Variants in NRXN3 observed in about 807,000 individuals in gnomAD.
The protein encoded by NRXN3 is neurexin 3.
Under a neutral mutation model 137.6 loss-of-function variants are expected in NRXN3, and 32 were observed. The observed-to-expected ratio is 0.23, with a 90% CI of 0.18 to 0.31. NRXN3 has a LOEUF of 0.31. Among genes scored for constraint, NRXN3 ranks in the 10% least tolerant of loss-of-function variants. The probability of loss-of-function intolerance (pLI) is 1.00; values close to 1 mark genes in which losing one functional copy is unlikely to be tolerated. For missense variants in NRXN3, 1,574 were observed against 2,062.5 expected (o/e 0.76, Z 4.59); for synonymous variants, 798 against 784.5 (o/e 1.02, Z -0.29).
intron 15 of NRXN3, among the ~76,000 whole-genome samples, chr14:79,325,865 G>A (rs575603301): frequency 7.2e-5 from 11 of 152,230 alleles, no homozygotes; most frequent in African/African-American, 7.2e-5. Context: ...CAGGGCCATC[G>A]TGAGATGCAG....
chr14:79,593,630 C>CAAAAA (rs58254245), intron 16 of NRXN3, among the ~76,000 whole-genome samples: 1,382 of 74,644 alleles, frequency 0.019, 31 homozygotes, highest in East Asian at 0.073. Context: ...GACTCCGTCT[C>CAAAAA]AAAAAAAAAA....
intron 16 of NRXN3, among the ~76,000 whole-genome samples, chr14:79,592,534 G>A (rs2097816159): frequency 6.6e-6 from 1 of 151,930 alleles, no homozygotes; most frequent in Non-Finnish European, 1.5e-5. Context: ...TCTTTGTAAT[G>A]TTATATGTTA....
intron 4 of NRXN3, among the ~76,000 whole-genome samples, chr14:78,586,113 C>T (rs2097059605): frequency 6.6e-6 from 1 of 152,192 alleles, no homozygotes; most frequent in Non-Finnish European, 1.5e-5. Context: ...CATTCATCTG[C>T]ATTTCTTTAT....
At chr14:79,761,553 C>T (rs1241507314) in intron 19 of NRXN3, among the ~76,000 whole-genome samples, 2 of 150,960 alleles carry the variant, frequency 1.3e-5, no homozygotes, top group East Asian at 3.9e-4. Context: ...ATTAGCTGGG[C>T]GTGGTGGCAG....
intron 4 of NRXN3, among the ~76,000 whole-genome samples, chr14:78,634,852 A>G (rs2097553721): frequency 6.6e-6 from 1 of 152,186 alleles, no homozygotes; most frequent in Non-Finnish European, 1.5e-5. Flanking sequence ...ATGTGTATAT[A>G]TATATAAATT....
intron 8 of NRXN3, chr14:78,744,392 G>A (rs1206987252): frequency 2.0e-5 from 3 of 152,212 alleles, no homozygotes; most frequent in African/African-American, 4.8e-5. Context: ...GCCTTCCAAA[G>A]TGCTGGGATT....
chr14:79,124,320 C>T (rs143098799), intron 15 of NRXN3, among the ~76,000 whole-genome samples: 15 of 152,216 alleles, frequency 9.9e-5, no homozygotes, highest in African/African-American at 3.1e-4. Context: ...GTAAGGGAGA[C>T]GAGAGAGGAT....
chr14:79,472,376 A>T (rs983096978), intron 16 of NRXN3, among the ~76,000 whole-genome samples: 2 of 152,198 alleles, frequency 1.3e-5, no homozygotes, highest in African/African-American at 4.8e-5. Context: ...TGGTCATTTT[A>T]AAAAATCAGA....
At chr14:79,090,450 C>A (rs2048948575) in intron 15 of NRXN3, among the ~76,000 whole-genome samples, 1 of 152,076 alleles carries the variant, frequency 6.6e-6, no homozygotes, top group South Asian at 2.1e-4. Context: ...TCCAGTTACA[C>A]CCTGGGTTTG....
At chr14:78,299,547 T>C (rs1426517712) in intron 4 of NRXN3, among the ~76,000 whole-genome samples, 1 of 151,656 alleles carries the variant, frequency 6.6e-6, no homozygotes, top group Non-Finnish European at 1.5e-5. Flanking sequence ...CCCTTGGGAG[T>C]TCTCCAAGCT....
intron 1 of NRXN3, among the ~76,000 whole-genome samples, chr14:78,193,351 A>G (rs1244271906): frequency 6.6e-6 from 1 of 152,160 alleles, no homozygotes; most frequent in Non-Finnish European, 1.5e-5. Flanking sequence ...GATTTTGCTT[A>G]AATAACTGTA....
At chr14:78,932,879 G>A (rs2099326204) in intron 10 of NRXN3, among the ~76,000 whole-genome samples, 1 of 152,074 alleles carries the variant, frequency 6.6e-6, no homozygotes, top group African/African-American at 2.4e-5. Flanking sequence ...AAAATCCAGG[G>A]TACCTTCTAT....
Position 79,499,231 on chromosome 14 carries a change from C to A in NRXN3, c.3444+31829C>A, listed in dbSNP as rs80174956. On this transcript the variant is annotated intron_variant, in intron 16 of 20. Transcript: ENST00000335750. ...TACCTCTCAATACCCTCCAGAACAT[C>A]CTCCTCGTCTACCACTTTCCTCCAC... Among the ~76,000 whole-genome samples the A allele has an allele frequency of 9.2e-5, 14 of 152,322 alleles. No homozygotes were observed. In the East Asian group the frequency reaches 2.7e-3, roughly 29 times the overall value.
intron 15 of NRXN3, among the ~76,000 whole-genome samples, chr14:79,382,382 T>C (rs560641664): frequency 2.6e-5 from 4 of 152,304 alleles, no homozygotes; most frequent in Non-Finnish European, 5.9e-5. Context: ...GGAAGTTTTA[T>C]AGGGTCATAC....
At chr14:78,714,258 T>C (rs2098421846) in intron 7 of NRXN3, among the ~76,000 whole-genome samples, 1 of 152,116 alleles carries the variant, frequency 6.6e-6, no homozygotes, top group Non-Finnish European at 1.5e-5. Flanking sequence ...GGCAAACATA[T>C]GGAGGCCTCA....
At chr14:79,201,233 G>A (rs2065957971) in intron 15 of NRXN3, 1 of 152,086 alleles carries the variant, frequency 6.6e-6, no homozygotes, top group Non-Finnish European at 1.5e-5. Flanking sequence ...AAAACTAATA[G>A]ATGAGTAATA....
At chr14:78,605,545 G>A (rs1277272869) in intron 4 of NRXN3, among the ~76,000 whole-genome samples, 1 of 152,114 alleles carries the variant, frequency 6.6e-6, no homozygotes, top group Non-Finnish European at 1.5e-5. Flanking sequence ...GGAATTTAAT[G>A]TCATATAAAA....
chr14:78,208,016 A>G (rs555439478), intron 1 of NRXN3, among the ~76,000 whole-genome samples: 1 of 152,314 alleles, frequency 6.6e-6, no homozygotes, highest in Non-Finnish European at 1.5e-5. Flanking sequence ...CAGACTGCCT[A>G]GGTTTAAATT....
At position 79,560,504 on chromosome 14, in the gene NRXN3, C is replaced by CTTTTCTTTTTTT. The variant is rs536703528; in HGVS notation, c.3444+93106_3444+93107insCTTTTTTTTTTT. On this transcript the variant is annotated intron_variant, in intron 16 of 20. Coordinates refer to ENST00000335750, the MANE Select transcript of NRXN3 (RefSeq NM_001330195.2). ...AATTCTACAAGGACAAGATTGTAAG[C>CTTTTCTTTTTTT]TTTTTTTTTTTTTTTTTTTTTTTTG... Among the ~76,000 whole-genome samples, 84 of 43,778 alleles carry CTTTTCTTTTTTT rather than the reference C, an allele frequency of 1.9e-3. 1 individual carries two copies. Among genetic ancestry groups the CTTTTCTTTTTTT allele is most frequent in the Non-Finnish European group, 2.5e-3 (63 of 24,716 alleles). 28.7% of individuals were successfully genotyped at this position (43,778 alleles called of 152,430 possible).
Sources: allele counts gnomAD v4.1 joint callset (sites outside exome capture counted in the v4.1 genomes callset), GRCh38; gene constraint gnomAD v4.1.1; transcripts MANE v1.5; gene names NCBI Gene and HGNC (gene_info 2026-07-23, HGNC 2026-07-21).